Variants in ELAPOR1 observed in about 807,000 individuals in gnomAD.
ELAPOR1 encodes endosome/lysosome-associated apoptosis and autophagy regulator 1.
Under a neutral mutation model 119.7 loss-of-function variants are expected in ELAPOR1, and 77 were observed. That is an observed-to-expected ratio of 0.64 (90% CI 0.54 to 0.78). The LOEUF is 0.78. ELAPOR1 is among the 30% of genes least tolerant of loss of function. The pLI, the probability that ELAPOR1 is intolerant of heterozygous loss-of-function variation, is 0.00. For missense variants in ELAPOR1, 1,115 were observed against 1,270.4 expected (o/e 0.88, Z 1.86); for synonymous variants, 481 against 487.2 (o/e 0.99, Z 0.17).
chr1:109,202,638 A>C lies in ELAPOR1; in HGVS notation c.2974-306A>C, dbSNP rs183812934. On this transcript the variant is annotated intron_variant, in intron 21 of 21. Coordinates refer to ENST00000369939, the MANE Select transcript of ELAPOR1 (RefSeq NM_020775.5). ...GTATTTTCGGTAGAGACAGGGTCTCACCATGTTGGTCAGGCTGGTCTCGAA... is the reference window on the plus strand; with the variant it reads ...GTATTTTCGGTAGAGACAGGGTCTCCCCATGTTGGTCAGGCTGGTCTCGAA... Among the ~76,000 whole-genome samples, 405 of 151,876 alleles carry C rather than the reference A, an allele frequency of 2.7e-3. 1 individual carries two copies. The highest frequency in any genetic ancestry group is 5.0e-3 in the Non-Finnish European group (341 of 67,940).
chr1:109,188,531 G>A (rs934608597), intron 9 of ELAPOR1, among the ~76,000 whole-genome samples, 177 bp downstream of exon 9: 2 of 152,184 alleles, frequency 1.3e-5, no homozygotes, highest in Non-Finnish European at 2.9e-5. Flanking sequence ...GGCTGGCCTC[G>A]TCTGCAGGTC....
intron 1 of ELAPOR1, among the ~76,000 whole-genome samples, chr1:109,119,290 A>G (rs914345255): frequency 3.3e-5 from 5 of 149,754 alleles, no homozygotes; most frequent in Admixed American, 6.7e-5. Context: ...TCCCCCTCCC[A>G]GGCTCAAGCC....
intron 3 of ELAPOR1, among the ~76,000 whole-genome samples, chr1:109,166,530 A>G (rs1341288051): frequency 1.3e-5 from 2 of 152,230 alleles, no homozygotes; most frequent in Non-Finnish European, 2.9e-5. Context: ...GATGCTTTAC[A>G]TATATTATTT....
rs559134941 is a variant in ELAPOR1 at position 109,153,609 on chromosome 1, G to A, written c.154-8285G>A. On this transcript the variant is annotated intron_variant, in intron 1 of 21. Coordinates refer to ENST00000369939, the MANE Select transcript of ELAPOR1 (RefSeq NM_020775.5). ...GTAGTTATCTCTGTTTGGTGGACTT[G>A]TGGCAGGTGTTTTGTTTTGTTTTGT... Among the ~76,000 whole-genome samples, 47 of 141,118 alleles carry A rather than the reference G, an allele frequency of 3.3e-4. 2 individuals carry two copies. The East Asian group carries it at 9.9e-3, about 30-fold the overall frequency. 92.6% of individuals were successfully genotyped at this position (141,118 alleles called of 152,430 possible).
At chr1:109,143,295 A>C (rs1461299934) in intron 1 of ELAPOR1, among the ~76,000 whole-genome samples, 1 of 152,234 alleles carries the variant, frequency 6.6e-6, no homozygotes. Flanking sequence ...TTAAGTACTG[A>C]TCATGCTATA....
chr1:109,187,848 C>T, intron 8 of ELAPOR1: 1 of 1,032,896 alleles, frequency 9.7e-7, no homozygotes, highest in South Asian at 4.6e-5. Context: ...TTTCCTGTGA[C>T]CTTGGTAGCA....
Position 109,164,583 on chromosome 1 carries a change from C to T in ELAPOR1, c.359C>T (p.Thr120Ile). Residue 120 changes from threonine to isoleucine, a missense_variant, in exon 3 of 22, where the codon ACA becomes ATA. Thr to Ile is a moderately conservative substitution (Grantham distance 89). Coordinates refer to ENST00000369939, the MANE Select transcript of ELAPOR1 (RefSeq NM_020775.5). ...PCAEGRYSLGTGIRFDEWDEL... is the reference protein window; with the variant it reads ...PCAEGRYSLGIGIRFDEWDEL... ...GCTGAGGGCCGCTACTCCCTCGGCA[C>T]AGGCATTCGGTTTGATGAGTGGGAT... 6.2e-7 allele frequency: 1 copy of T among 1,614,262 alleles called. No homozygotes were observed. The highest frequency in any genetic ancestry group is 8.5e-7 in the Non-Finnish European group (1 of 1,180,040).
At chr1:109,189,513 C>T in intron 10 of ELAPOR1, 79 bp from the exon 11 acceptor site, 1 of 1,288,700 alleles carries the variant, frequency 7.8e-7, no homozygotes. Flanking sequence ...GTCAAACCTC[C>T]CTTCCAGAGT....
chr1:109,128,889 A>T (rs1648964044), intron 1 of ELAPOR1, among the ~76,000 whole-genome samples: 1 of 152,174 alleles, frequency 6.6e-6, no homozygotes, highest in Admixed American at 6.5e-5. Context: ...ATCTCCATAG[A>T]GTGCCATTTC....
intron 1 of ELAPOR1, among the ~76,000 whole-genome samples, chr1:109,157,715 G>A (rs751209602): frequency 7.2e-5 from 11 of 152,054 alleles, no homozygotes; most frequent in Non-Finnish European, 1.2e-4. Context: ...ATTTACTTAG[G>A]GCACATGAAA....
At chr1:109,170,002 G>A (rs1168773447) in intron 3 of ELAPOR1, among the ~76,000 whole-genome samples, 1 of 152,186 alleles carries the variant, frequency 6.6e-6, no homozygotes, top group African/African-American at 2.4e-5. Context: ...TAGTAAAGAC[G>A]AAGCCAAAAA....
At chr1:109,186,740 A>T (rs1461125837) in intron 8 of ELAPOR1, 2 of 985,470 alleles carry the variant, frequency 2.0e-6, no homozygotes, top group Non-Finnish European at 1.2e-6. Flanking sequence ...CCTCCTGTTC[A>T]TAACATGTGA....
intron 1 of ELAPOR1, among the ~76,000 whole-genome samples, chr1:109,141,420 C>T (rs1348658165): frequency 6.6e-6 from 1 of 151,672 alleles, no homozygotes; most frequent in Non-Finnish European, 1.5e-5. Flanking sequence ...TGCCACCACG[C>T]CCGGCTAATT....
chr1:109,183,342 A>C (rs1267382460), intron 7 of ELAPOR1, among the ~76,000 whole-genome samples: 2 of 47,278 alleles, frequency 4.2e-5, no homozygotes, highest in Non-Finnish European at 1.1e-4. Context: ...AAAAAAAAAA[A>C]AAAAAACAAA....
chr1:109,182,317 G>A (rs940301142), intron 7 of ELAPOR1, among the ~76,000 whole-genome samples: 11 of 141,594 alleles, frequency 7.8e-5, no homozygotes, highest in African/African-American at 2.1e-4. Context: ...GCAACAGAGC[G>A]AGACTCTGTC....
intron 7 of ELAPOR1, among the ~76,000 whole-genome samples, chr1:109,178,255 C>T (rs1266866047): frequency 2.6e-5 from 4 of 152,114 alleles, no homozygotes; most frequent in Admixed American, 2.6e-4. Context: ...AGTTGATCCA[C>T]CCGCCTTGGC....
At chr1:109,173,051 C>G (rs182884255) in intron 5 of ELAPOR1, among the ~76,000 whole-genome samples, 1 of 143,476 alleles carries the variant, frequency 7.0e-6, no homozygotes, top group Admixed American at 7.4e-5. Flanking sequence ...GAGCTGAGAT[C>G]GAGCCATTGC....
intron 3 of ELAPOR1, among the ~76,000 whole-genome samples, chr1:109,166,069 C>A (rs573068748): frequency 4.9e-4 from 74 of 152,274 alleles, no homozygotes; most frequent in Non-Finnish European, 8.8e-4. Flanking sequence ...GCACCCGCCA[C>A]CACGCCCAGC....
intron 1 of ELAPOR1, among the ~76,000 whole-genome samples, chr1:109,117,621 A>G (rs1390882390): frequency 2.0e-5 from 3 of 152,252 alleles, no homozygotes; most frequent in Non-Finnish European, 4.4e-5. Context: ...GGATGGTAAT[A>G]CCTATCTCAC....
Sources: gnomAD v4.1 joint callset for allele counts (sites outside exome capture counted in the v4.1 genomes callset) on GRCh38, gnomAD v4.1.1 for gene constraint, MANE v1.5 for transcripts, NCBI Gene and HGNC (gene_info 2026-07-23, HGNC 2026-07-21) for gene names.